CLIC5: variants seen among roughly 807,000 people sequenced by gnomAD.
CLIC5 encodes the protein chloride intracellular channel protein 5.
Under a neutral mutation model 24.7 loss-of-function variants are expected in CLIC5, and 20 were observed. That is an observed-to-expected ratio of 0.81 (90% CI 0.57 to 1.18). The LOEUF (loss-of-function observed/expected upper bound fraction) is 1.18, where lower values mean the gene tolerates loss of function less well. Among genes scored for constraint, CLIC5 ranks in the 50% most tolerant of loss-of-function variants. The pLI is 0.00. For synonymous variants in CLIC5, 159 were observed against 135.6 expected, an observed-to-expected ratio of 1.17 and a Z score of -1.20; for missense variants, 341 against 326.1, an observed-to-expected ratio of 1.05 and a Z score of -0.35.
chr6:46,099,336 C>T, the CLIC5 span, among the ~76,000 whole-genome samples: 180 of 152,272 alleles, frequency 1.2e-3, 1 homozygote, highest in African/African-American at 3.9e-3. Flanking sequence ...ATGTAGCCCC[C>T]GACTGTGGTA....
chr6:45,896,790 G>C (rs1009426599), downstream of CLIC5, among the ~76,000 whole-genome samples: 5 of 152,274 alleles, frequency 3.3e-5, no homozygotes, highest in Non-Finnish European at 7.4e-5. Context: ...AAGACACAGA[G>C]AGATGATGTC....
chr6:46,076,205 C>T (rs1423722279), intron 1 of CLIC5, among the ~76,000 whole-genome samples: 1 of 152,204 alleles, frequency 6.6e-6, no homozygotes, highest in Non-Finnish European at 1.5e-5. Flanking sequence ...GCCTCTGCAC[C>T]TCTCCAGCCT....
At chr6:45,942,118 G>T (rs925892969) in intron 3 of CLIC5, among the ~76,000 whole-genome samples, 1 of 152,166 alleles carries the variant, frequency 6.6e-6, no homozygotes, top group East Asian at 1.9e-4. Context: ...GAGAAGCCAG[G>T]TATGTTAGCA....
At chr6:46,069,433 C>T (rs556180788) in intron 1 of CLIC5, among the ~76,000 whole-genome samples, 5 of 151,992 alleles carry the variant, frequency 3.3e-5, no homozygotes, top group Non-Finnish European at 5.9e-5. Context: ...GATGAACACC[C>T]CTATGCACAC....
chr6:45,918,438 T>G (rs1456605722), intron 4 of CLIC5, among the ~76,000 whole-genome samples: 1 of 152,216 alleles, frequency 6.6e-6, no homozygotes, highest in Non-Finnish European at 1.5e-5. Flanking sequence ...CCTGGTTTGC[T>G]GGCAAACTCA....
chr6:46,064,740 G>A (rs1389252784), intron 1 of CLIC5, among the ~76,000 whole-genome samples: 1 of 152,068 alleles, frequency 6.6e-6, no homozygotes, highest in Non-Finnish European at 1.5e-5. Flanking sequence ...AGGAAGAGAA[G>A]AAGGGAGGGA....
In CLIC5 at chr6:45,958,443, T is replaced by TACACAC. The variant is rs1283521914; in HGVS notation, c.64-3200_64-3199insGTGTGT. 1.2e-3 allele frequency among the ~76,000 whole-genome samples: 67 copies of TACACAC among 55,612 alleles called. 5 individuals carry two copies. The highest frequency in any genetic ancestry group is 3.7e-3 in the African/African-American group (63 of 16,946). The allele number at this position is 55,612 out of a possible 152,430, so 36.5% of individuals were successfully genotyped here. ...ACAATTATATATATATATATATATA[T>TACACAC]ATATATATATATATATATATATATA... On this transcript the variant is annotated intron_variant, in intron 1 of 5. Coordinates refer to ENST00000339561, the MANE Select transcript of CLIC5 (RefSeq NM_016929.5).
At chr6:45,955,272 G>A (rs746421967) in intron 1 of CLIC5, 28 bp from the exon 2 acceptor site, 2 of 1,542,232 alleles carry the variant, frequency 1.3e-6, no homozygotes, top group East Asian at 2.2e-5. Context: ...AGTGTCCTGA[G>A]TGGGCAGGTG....
chr6:46,032,378 C>A (rs1268157509), intron 1 of CLIC5, among the ~76,000 whole-genome samples: 1 of 152,216 alleles, frequency 6.6e-6, no homozygotes, highest in Non-Finnish European at 1.5e-5. Context: ...TGGGTGGTGA[C>A]ACGAATCCAA....
intron 1 of CLIC5, among the ~76,000 whole-genome samples, chr6:46,024,504 G>A (rs552355488): frequency 5.3e-5 from 8 of 152,108 alleles, no homozygotes; most frequent in Non-Finnish European, 1.2e-4. Context: ...CCACCACTAA[G>A]ACAGAACCTG....
At chr6:46,023,781 T>C (rs2179993) in intron 1 of CLIC5, among the ~76,000 whole-genome samples, 25,465 of 152,124 alleles carry the variant, frequency 0.17, 2,596 homozygotes, top group African/African-American at 0.29. Context: ...CACTTAATGG[T>C]CAAGCTCCTA....
intron 6 of CLIC5, among the ~76,000 whole-genome samples, chr6:45,885,468 T>A (rs1158234972): frequency 6.6e-6 from 1 of 152,196 alleles, no homozygotes; most frequent in Non-Finnish European, 1.5e-5. Flanking sequence ...GTTATGCCCA[T>A]AATGTCAACA....
chr6:46,032,116 C>T (rs1767520727), intron 1 of CLIC5, among the ~76,000 whole-genome samples: 1 of 152,000 alleles, frequency 6.6e-6, no homozygotes, highest in South Asian at 2.1e-4. Context: ...GTTCCATAGG[C>T]TGTACAGGAA....
intron 1 of CLIC5, among the ~76,000 whole-genome samples, chr6:45,990,553 G>A (rs911732787): frequency 1.3e-5 from 2 of 152,204 alleles, no homozygotes; most frequent in Admixed American, 6.5e-5. Flanking sequence ...CTGCAGGTGA[G>A]TTACCTCACA....
chr6:46,109,657 T>C, the CLIC5 span, among the ~76,000 whole-genome samples: 1 of 152,062 alleles, frequency 6.6e-6, no homozygotes, highest in Non-Finnish European at 1.5e-5. Flanking sequence ...GTTTGAAACA[T>C]TGCTGATTCT....
At chr6:46,105,675 G>C in the CLIC5 span, among the ~76,000 whole-genome samples, 2 of 152,166 alleles carry the variant, frequency 1.3e-5, no homozygotes, top group Admixed American at 1.3e-4. Context: ...TGGAGTTTCA[G>C]GAGTCACAGG....
chr6:45,927,939 G>T (rs1371899918), intron 4 of CLIC5, among the ~76,000 whole-genome samples: 1 of 152,134 alleles, frequency 6.6e-6, no homozygotes, highest in Non-Finnish European at 1.5e-5. Flanking sequence ...GGATTCAAAT[G>T]TATTCGCAAG....
intron 1 of CLIC5, among the ~76,000 whole-genome samples, chr6:46,056,960 C>T (rs139354317): frequency 6.6e-6 from 1 of 152,354 alleles, no homozygotes; most frequent in East Asian, 1.9e-4. Context: ...TCTGCTGTCA[C>T]AATCCACATG....
chr6:45,917,529 A>G (rs1763078143), intron 4 of CLIC5, among the ~76,000 whole-genome samples: 1 of 152,150 alleles, frequency 6.6e-6, no homozygotes, highest in Non-Finnish European at 1.5e-5. Context: ...TCCCTTACTT[A>G]TTTAGTATAC....
Sources: allele counts gnomAD v4.1 joint callset (sites outside exome capture counted in the v4.1 genomes callset), GRCh38; gene constraint gnomAD v4.1.1; transcripts MANE v1.5; gene names NCBI Gene and HGNC (gene_info 2026-07-23, HGNC 2026-07-21).